UGT1A3: variants seen among roughly 807,000 people sequenced by gnomAD.
UGT1A3 encodes UDP glucuronosyltransferase family 1 member A3, also known as UDP-glucuronosyltransferase 1A3.
In UGT1A3, 31 loss-of-function variants were observed where a neutral mutation model predicts 41.0. The observed-to-expected ratio is 0.76, with a 90% CI of 0.57 to 1.02. The LOEUF is 1.02. Ranked by LOEUF, UGT1A3 falls within the 50% of genes least tolerant of loss-of-function variation. The pLI is 0.00. For missense variants in UGT1A3, 737 were observed against 671.0 expected, an observed-to-expected ratio of 1.10 and a Z score of -1.09; for synonymous variants, 262 against 257.6, an observed-to-expected ratio of 1.02 and a Z score of -0.17.
At chr2:233,759,131 C>G (rs889675688) in intron 1 of UGT1A3, among the ~76,000 whole-genome samples, 5 of 152,174 alleles carry the variant, frequency 3.3e-5, no homozygotes, top group African/African-American at 9.6e-5. Context: ...GCCTCTGGTA[C>G]GCAATGAAGG....
intron 1 of UGT1A3, among the ~76,000 whole-genome samples, chr2:233,747,034 C>T (rs1693545520): frequency 6.6e-6 from 1 of 151,808 alleles, no homozygotes; most frequent in Non-Finnish European, 1.5e-5. Context: ...CGAAGTGGGA[C>T]CCATAATGAA....
intron 2 of UGT1A3, among the ~76,000 whole-genome samples, chr2:233,767,555 C>A (rs1317722684): frequency 3.3e-5 from 5 of 152,206 alleles, no homozygotes; most frequent in Non-Finnish European, 7.3e-5. Context: ...AGTTCTGCAT[C>A]CACTTGTTTC....
chr2:233,758,824 C>A (rs1696993714), intron 1 of UGT1A3, among the ~76,000 whole-genome samples: 1 of 152,138 alleles, frequency 6.6e-6, no homozygotes, highest in African/African-American at 2.4e-5. Flanking sequence ...TATATCCCCC[C>A]CAAAAAGAGT....
intron 1 of UGT1A3, among the ~76,000 whole-genome samples, chr2:233,732,820 C>G (rs1332712556): frequency 2.1e-5 from 3 of 141,934 alleles, no homozygotes; most frequent in Non-Finnish European, 4.5e-5. Context: ...TCCATATGAA[C>G]TTTAAAGTAG....
chr2:233,751,126 G>C (rs1694648439), intron 1 of UGT1A3, among the ~76,000 whole-genome samples: 1 of 151,986 alleles, frequency 6.6e-6, no homozygotes, highest in East Asian at 1.9e-4. Flanking sequence ...TGTCCAAGTT[G>C]CCTGAGACTG....
At chr2:233,730,577 T>C (rs1559376049) in intron 1 of UGT1A3, among the ~76,000 whole-genome samples, 1 of 152,254 alleles carries the variant, frequency 6.6e-6, no homozygotes, top group East Asian at 1.9e-4. Context: ...AAGTTCAGTT[T>C]CCAGACAGGG....
rs143192680 is a variant in UGT1A3, at chr2:233,767,666, C to G, written c.1000-183C>G. 1.9e-3 allele frequency among the ~76,000 whole-genome samples: 295 copies of G among 152,308 alleles called. 3 individuals carry two copies. The highest frequency in any genetic ancestry group is 0.013 in the Admixed American group (199 of 15,308). On this transcript the variant is annotated intron_variant, in intron 2 of 4. Coordinates refer to ENST00000482026, the MANE Select transcript of UGT1A3 (RefSeq NM_019093.4). ...TCACGTAGTGCATACACCCTTGTAA[C>G]TAAACCTCCAAAACAAGATGCCGGA...
In UGT1A3 at chr2:233,738,655, C is replaced by T. The variant is rs542122703; in HGVS notation, c.867+8662C>T. Among the ~76,000 whole-genome samples, 17 of 152,092 alleles carry T rather than the reference C, an allele frequency of 1.1e-4. No homozygotes were observed. The East Asian group carries it at 1.4e-3, about 12-fold the overall frequency. On this transcript the variant is annotated intron_variant, in intron 1 of 4. Coordinates refer to ENST00000482026, the MANE Select transcript of UGT1A3 (RefSeq NM_019093.4). Reference sequence around the variant, plus strand: ...CCTGCCCTAGAGCTCTTTGGAACTACGAACTTGAGAGAGATGATCTGAAAT... The same window carrying T: ...CCTGCCCTAGAGCTCTTTGGAACTATGAACTTGAGAGAGATGATCTGAAAT...
At chr2:233,746,367 C>T (rs1317726089) in intron 1 of UGT1A3, among the ~76,000 whole-genome samples, 1 of 151,694 alleles carries the variant, frequency 6.6e-6, no homozygotes, top group Non-Finnish European at 1.5e-5. Flanking sequence ...AGTAACAAGT[C>T]CCTTCATTCT....
In UGT1A3 at chr2:233,729,111, C is replaced by G. The variant is rs773243405; in HGVS notation, c.-16C>G. 2.0e-5 allele frequency: 33 copies of G among 1,612,748 alleles called. No individual in the cohort carries two copies. The highest frequency in any genetic ancestry group is 3.3e-5 in the Admixed American group (2 of 59,996). On this transcript the variant is annotated 5_prime_UTR_variant, in exon 1 of 5. Transcript: ENST00000482026. ...AGCGTGGGGTGGACAGTCAGCTGTC[C>G]GTGTCTTCTGCTGAGATGGCCACAG... is the stretch of plus-strand genomic sequence containing the variant.
intron 4 of UGT1A3, among the ~76,000 whole-genome samples, chr2:233,768,657 G>A (rs1265555530): frequency 7.1e-6 from 1 of 141,016 alleles, no homozygotes; most frequent in East Asian, 2.1e-4. Context: ...TGCAATCTTG[G>A]CTTACTGCAA....
chr2:233,772,660 A>C lies in UGT1A3; in HGVS notation c.*101A>C. Reference sequence around the variant, plus strand: ...AAATTCATTTTATTCTTATTAAGGAAATACTTTGCATAAATTAATCAGCCC... The same window carrying C: ...AAATTCATTTTATTCTTATTAAGGACATACTTTGCATAAATTAATCAGCCC... On this transcript the variant is annotated 3_prime_UTR_variant, in exon 5 of 5. Transcript: ENST00000482026. 1 of 1,542,072 alleles carries C rather than the reference A, an allele frequency of 6.5e-7. No homozygotes were observed. The highest frequency in any genetic ancestry group is 8.7e-7 in the Non-Finnish European group (1 of 1,144,950).
intron 1 of UGT1A3, among the ~76,000 whole-genome samples, chr2:233,736,009 A>G (rs1243121159): frequency 6.6e-6 from 1 of 151,786 alleles, no homozygotes; most frequent in Non-Finnish European, 1.5e-5. Context: ...CTTCTCGAGG[A>G]GTATCTTTGT....
At chr2:233,748,111 T>C (rs1693869391) in intron 1 of UGT1A3, 3 of 1,612,162 alleles carry the variant, frequency 1.9e-6, no homozygotes, top group Non-Finnish European at 2.5e-6. Flanking sequence ...CAATCAATGT[T>C]CCAGGCAAAA....
At chr2:233,766,965 T>C in intron 1 of UGT1A3, 69 bp from the exon 2 acceptor site, 1 of 1,608,636 alleles carries the variant, frequency 6.2e-7, no homozygotes, top group Non-Finnish European at 8.5e-7. Context: ...ATCTAATTCA[T>C]AACTTACTGT....
rs564101757 is a variant in UGT1A3, at chr2:233,734,503, C to G, written c.867+4510C>G. On this transcript the variant is annotated intron_variant, in intron 1 of 4. Transcript: ENST00000482026. ...GATTTTTTTGAAGGTTTTTTTGTGTCTCTATCTCTTTCAGTTCTGCTCTGA... is the reference window on the plus strand; with the variant it reads ...GATTTTTTTGAAGGTTTTTTTGTGTGTCTATCTCTTTCAGTTCTGCTCTGA... Among the ~76,000 whole-genome samples the G allele has an allele frequency of 2.0e-5, 3 of 152,124 alleles. No homozygotes were observed. The South Asian group carries it at 6.2e-4, about 32-fold the overall frequency.
intron 1 of UGT1A3, chr2:233,761,124 C>T: frequency 1.9e-6 from 3 of 1,614,202 alleles, no homozygotes; most frequent in Non-Finnish European, 2.5e-6. Context: ...GTGGAATCAA[C>T]TGCCTTCACC....
At chr2:233,743,979 A>G (rs1692622611) in intron 1 of UGT1A3, 33 of 1,306,002 alleles carry the variant, frequency 2.5e-5, no homozygotes, top group South Asian at 6.3e-5. Context: ...GCCAGCACCC[A>G]GGCGCAGGCC....
chr2:233,737,111 A>G (rs1182220663), intron 1 of UGT1A3, among the ~76,000 whole-genome samples: 1 of 152,120 alleles, frequency 6.6e-6, no homozygotes. Context: ...TGTTCCCCAC[A>G]TGTTCAGAAG....
Sources: allele counts gnomAD v4.1 joint callset (sites outside exome capture counted in the v4.1 genomes callset), GRCh38; gene constraint gnomAD v4.1.1; transcripts MANE v1.5; gene names NCBI Gene and HGNC (gene_info 2026-07-23, HGNC 2026-07-21).